Variants in PKHD1L1 observed in about 807,000 individuals in gnomAD.
PKHD1L1 encodes fibrocystin-L.
PKHD1L1 carries 434 observed loss-of-function variants against 462.9 expected under a neutral mutation model. The ratio of observed to expected loss-of-function variants is 0.94; its 90% CI spans 0.87 to 1.02. PKHD1L1 has a LOEUF of 1.02. PKHD1L1 is among the 50% of genes least tolerant of loss of function. PKHD1L1 has a pLI of 0.00. For synonymous variants in PKHD1L1, 1,781 were observed against 1,750.0 expected (o/e 1.02, Z -0.44); for missense variants, 5,202 against 5,096.1 (o/e 1.02, Z -0.63).
chr8:109,434,200 T>A (rs1279657723), intron 28 of PKHD1L1, among the ~76,000 whole-genome samples: 1 of 152,180 alleles, frequency 6.6e-6, no homozygotes, highest in African/African-American at 2.4e-5. Flanking sequence ...TATATCTATG[T>A]AATAAACCTG....
intron 27 of PKHD1L1, among the ~76,000 whole-genome samples, chr8:109,431,578 A>G (rs1225287554): frequency 6.6e-6 from 1 of 152,190 alleles, no homozygotes; most frequent in Non-Finnish European, 1.5e-5. Flanking sequence ...AAGCTTACAA[A>G]TGAAATATTA....
At chr8:109,436,695 A>C (rs139631367) in intron 30 of PKHD1L1, among the ~76,000 whole-genome samples, 136 of 152,326 alleles carry the variant, frequency 8.9e-4, no homozygotes, top group African/African-American at 2.4e-3. Context: ...CACATAAACT[A>C]ATATTAAACA....
In PKHD1L1 at chr8:109,464,834, C is replaced by T. The variant is rs1224009674; in HGVS notation, c.8002C>T (p.Leu2668Phe). ...AGCTGAATGGGTCAATGGAGGTGCC[C>T]TTCAGTTCCATAACTTTGTGATGGT... ...KGAEWVNGGA[L>F]QFHNFVMVNN... Residue 2668 changes from leucine (L) to phenylalanine (F), a missense_variant, in exon 49 of 78, where the codon CTT (leucine) becomes TTT (phenylalanine). Leu to Phe is a conservative substitution (Grantham distance 22). Transcript: ENST00000378402. 1.9e-6 allele frequency: 3 copies of T among 1,613,630 alleles called. No homozygotes were observed. The African/African-American group carries it at 4.0e-5, about 22-fold the overall frequency.
Position 109,522,766 on chromosome 8 carries a change from G to T in PKHD1L1, c.12206G>T (p.Arg4069Met). The change falls in exon 75 of 78, where the codon AGG becomes ATG. Residue 4069 changes from arginine to methionine, a missense_variant. Arg to Met is a moderately conservative substitution (Grantham distance 91, BLOSUM62 -1). Around this residue, in one of 3 missense-constraint regions of PKHD1L1, gnomAD observed 698 missense variants for 736.3 expected, o/e 0.95. Transcript: ENST00000378402. ...CAGGTGACTGCCCAGCCAGTTGAAA[G>T]GTCTGCATTTCCTGTTCATCACGTG... Reference protein sequence around the residue: ...WIKVTAQPVERSAFPVHHVAF... With the variant: ...WIKVTAQPVEMSAFPVHHVAF... The T allele has an allele frequency of 6.2e-7, 1 of 1,611,206 alleles. No homozygotes were observed. The highest frequency in any genetic ancestry group is 8.5e-7 in the Non-Finnish European group (1 of 1,179,258).
Position 109,504,356 on chromosome 8 carries a change from T to C in PKHD1L1, c.10858T>C (p.Cys3620Arg), listed in dbSNP as rs772679681. 2.0e-6 allele frequency: 3 copies of C among 1,477,938 alleles called. No individual in the cohort carries two copies. In the Admixed American group the frequency reaches 6.9e-5, roughly 34 times the overall value. The allele number at this position is 1,477,938 out of a possible 1,614,324, so 91.6% of individuals were successfully genotyped here. ...GSTFVGFKNVCSGETNVIFIT... is the reference protein window; with the variant it reads ...GSTFVGFKNVRSGETNVIFIT... ...AACATTTGTTGGATTTAAGAATGTT[T>C]GTTCAGGGGAAACTAATGTTATATT... Residue 3620 changes from cysteine (C) to arginine (R), a missense_variant, in exon 68 of 78, where the codon TGT (cysteine) becomes CGT (arginine). Transcript: ENST00000378402.
At chr8:109,480,384 G>C (rs184416265) in intron 55 of PKHD1L1, among the ~76,000 whole-genome samples, 1 of 152,060 alleles carries the variant, frequency 6.6e-6, no homozygotes, top group East Asian at 1.9e-4. Flanking sequence ...AGTTTCCATT[G>C]TGTATAGAAT....
At chr8:109,415,026 C>A (rs1383731007) in intron 21 of PKHD1L1, among the ~76,000 whole-genome samples, 1 of 150,608 alleles carries the variant, frequency 6.6e-6, no homozygotes, top group Non-Finnish European at 1.5e-5. Context: ...GAGACAGGGT[C>A]TGATTCTGTC....
At chr8:109,511,027 T>C in intron 71 of PKHD1L1, 93 bp downstream of exon 71, 1 of 1,391,756 alleles carries the variant, frequency 7.2e-7, no homozygotes. Context: ...GTTCTAACAT[T>C]GTCAGCCTTA....
Position 109,464,602 on chromosome 8 carries a change from C to G in PKHD1L1, c.7770C>G (p.Asn2590Lys), listed in dbSNP as rs371060626. 6.2e-7 allele frequency: 1 copy of G among 1,612,722 alleles called. No homozygotes were observed. Among genetic ancestry groups the G allele is most frequent in the Non-Finnish European group, 8.5e-7 (1 of 1,179,780 alleles). ...THFGFWYRMNNHPDGPSYDRN... is the reference protein window; with the variant it reads ...THFGFWYRMNKHPDGPSYDRN... ...TTGGCTTTTGGTACCGGATGAACAA[C>G]CACCCTGATGGGCCATCCTATGACA... Residue 2590 changes from asparagine to lysine, a missense_variant, in exon 49 of 78, where the codon AAC (asparagine) becomes AAG (lysine). Transcript: ENST00000378402.
chr8:109,492,792 T>A (rs545238413), intron 62 of PKHD1L1, among the ~76,000 whole-genome samples: 14 of 152,032 alleles, frequency 9.2e-5, no homozygotes, highest in South Asian at 2.1e-4. Context: ...TAAGTGTGTT[T>A]GATATGATCA....
intron 48 of PKHD1L1, among the ~76,000 whole-genome samples, 180 bp from the exon 49 acceptor site, chr8:109,464,036 T>C (rs1817279854): frequency 6.6e-6 from 1 of 152,160 alleles, no homozygotes; most frequent in Admixed American, 6.5e-5. Flanking sequence ...TGGTCTGCTA[T>C]ACATTGTATA....
At chr8:109,460,627 C>G (rs1165103707) in intron 47 of PKHD1L1, among the ~76,000 whole-genome samples, 1 of 152,126 alleles carries the variant, frequency 6.6e-6, no homozygotes, top group African/African-American at 2.4e-5. Context: ...ACTGTGACAA[C>G]CAAAAGTGTT....
intron 6 of PKHD1L1, among the ~76,000 whole-genome samples, chr8:109,386,844 C>T (rs1374908965): frequency 6.6e-6 from 1 of 151,942 alleles, no homozygotes; most frequent in Non-Finnish European, 1.5e-5. Context: ...CTTTTTTCCC[C>T]CACTGAAACT....
At chr8:109,412,489 C>T (rs1813909316) in intron 20 of PKHD1L1, 75 bp downstream of exon 20, 4 of 1,400,070 alleles carry the variant, frequency 2.9e-6, no homozygotes, top group Non-Finnish European at 3.8e-6. Context: ...AATTTTAAGA[C>T]AAGAAAAAAT....
At chr8:109,423,213 C>T (rs1192938499) in intron 23 of PKHD1L1, among the ~76,000 whole-genome samples, 2 of 151,544 alleles carry the variant, frequency 1.3e-5, no homozygotes, top group African/African-American at 4.9e-5. Flanking sequence ...TAAGAACTTA[C>T]TTAGCTCTAG....
intron 11 of PKHD1L1, among the ~76,000 whole-genome samples, chr8:109,398,027 T>C (rs922498802): frequency 6.6e-6 from 1 of 152,190 alleles, no homozygotes; most frequent in Admixed American, 6.6e-5. Flanking sequence ...TTTTTTCATT[T>C]GAAGAACTTG....
intron 24 of PKHD1L1, among the ~76,000 whole-genome samples, chr8:109,425,647 T>C (rs1814707283): frequency 6.6e-6 from 1 of 152,048 alleles, no homozygotes; most frequent in Admixed American, 6.6e-5. Flanking sequence ...CTATAATACA[T>C]GCATTTTAAA....
At chr8:109,391,029 A>G (rs1812686862) in intron 9 of PKHD1L1, among the ~76,000 whole-genome samples, 1 of 152,224 alleles carries the variant, frequency 6.6e-6, no homozygotes, top group African/African-American at 2.4e-5. Flanking sequence ...AATAAGAAAG[A>G]TCATCATACA....
Position 109,389,125 on chromosome 8 carries a change from G to A in PKHD1L1, c.670G>A (p.Val224Ile). The A allele has an allele frequency of 6.2e-7, 1 of 1,610,760 alleles. No homozygotes were observed. Among genetic ancestry groups the A allele is most frequent in the Non-Finnish European group, 8.5e-7 (1 of 1,177,858 alleles). Residue 224 changes from valine (V) to isoleucine (I), a missense_variant, in exon 8 of 78, where the codon GTT (valine) becomes ATT (isoleucine). Val to Ile is a conservative substitution (Grantham distance 29). This residue lies in a region of PKHD1L1 where 4,497 missense variants were observed against 4,336.8 expected (regional missense o/e 1.04). Coordinates refer to ENST00000378402, the MANE Select transcript of PKHD1L1 (RefSeq NM_177531.6). Reference sequence around the variant, plus strand: ...TCCAAATGGAGATATGGGTTCTATGGTTTGTAAGACGACTGGAACTTTTAT... The same window carrying A: ...TCCAAATGGAGATATGGGTTCTATGATTTGTAAGACGACTGGAACTTTTAT... ...DHPNGDMGSM[V>I]CKTTGTFIGH...
Sources: gnomAD v4.1 joint callset for allele counts (sites outside exome capture counted in the v4.1 genomes callset) on GRCh38, gnomAD v4.1.1 for gene constraint, gnomAD v4.1.1 regional missense constraint, MANE v1.5 for transcripts, NCBI Gene and HGNC (gene_info 2026-07-23, HGNC 2026-07-21) for gene names.